HEATR4: variants seen among roughly 807,000 people sequenced by gnomAD.
The protein encoded by HEATR4 is HEAT repeat-containing protein 4.
Under a neutral mutation model 108.8 loss-of-function variants are expected in HEATR4, and 95 were observed. That is an observed-to-expected ratio of 0.87 (90% CI 0.74 to 1.04). The LOEUF is 1.04. HEATR4 is among the 50% of genes least tolerant of loss of function. The pLI is 0.00. For missense variants in HEATR4, 1,152 were observed against 1,253.8 expected (o/e 0.92, Z 1.23); for synonymous variants, 443 against 459.4 (o/e 0.96, Z 0.46).
the HEATR4 span, chr14:73,593,780 C>T: frequency 6.2e-7 from 1 of 1,613,854 alleles, no homozygotes; most frequent in African/African-American, 1.3e-5. Context: ...AGCCTCCTTG[C>T]TGGCCATGGC....
chr14:73,593,303 G>C, the HEATR4 span, among the ~76,000 whole-genome samples: 1 of 145,750 alleles, frequency 6.9e-6, no homozygotes, highest in Non-Finnish European at 1.5e-5. Flanking sequence ...AGAACATAAA[G>C]TTTTGTTTCA....
At chr14:73,523,402 G>A (rs1888096639) in intron 2 of HEATR4, among the ~76,000 whole-genome samples, 178 bp from the exon 3 acceptor site, 1 of 152,178 alleles carries the variant, frequency 6.6e-6, no homozygotes, top group Non-Finnish European at 1.5e-5. Flanking sequence ...TCATGTATCA[G>A]ACCCGTGTTT....
chr14:73,601,421 G>A, the HEATR4 span, among the ~76,000 whole-genome samples: 2 of 152,038 alleles, frequency 1.3e-5, no homozygotes, highest in Non-Finnish European at 2.9e-5. Context: ...AAAATTAGCT[G>A]GGCATGGTGG....
chr14:73,568,500 G>C, the HEATR4 span, among the ~76,000 whole-genome samples: 1 of 151,948 alleles, frequency 6.6e-6, no homozygotes, highest in African/African-American at 2.4e-5. Flanking sequence ...TTGGAGGTTT[G>C]TAAGTGCAGT....
intron 7 of HEATR4, among the ~76,000 whole-genome samples, chr14:73,510,677 C>T (rs1233604805): frequency 6.6e-6 from 1 of 152,160 alleles, no homozygotes; most frequent in Non-Finnish European, 1.5e-5. Flanking sequence ...TTCAGGTGAT[C>T]CACCTGCCTT....
the HEATR4 span, chr14:73,574,405 C>T: frequency 4.5e-6 from 1 of 220,924 alleles, no homozygotes. Context: ...GCTGTGACTA[C>T]AGGCACGTGC....
At chr14:73,502,432 T>G (rs1185701780) in intron 11 of HEATR4, among the ~76,000 whole-genome samples, 1 of 152,182 alleles carries the variant, frequency 6.6e-6, no homozygotes, top group Admixed American at 6.5e-5. Flanking sequence ...ACTCAATGCT[T>G]CTTTCCCTAG....
intron 7 of HEATR4, among the ~76,000 whole-genome samples, chr14:73,511,512 C>CT (rs1163361781): frequency 6.8e-6 from 1 of 147,546 alleles, no homozygotes; most frequent in Admixed American, 6.8e-5. Context: ...GAGCAAGACT[C>CT]TGTCTCAAAA....
the HEATR4 span, among the ~76,000 whole-genome samples, chr14:73,617,872 C>T: frequency 6.6e-6 from 1 of 150,616 alleles, no homozygotes; most frequent in Admixed American, 6.7e-5. Context: ...TGGCCAGGTG[C>T]GGTGGCTCAC....
chr14:73,580,934 T>G, the HEATR4 span: 14 of 151,966 alleles, frequency 9.2e-5, no homozygotes, highest in African/African-American at 3.1e-4. Flanking sequence ...GAAAAAAAAG[T>G]CTTAAGGTTT....
intron 17 of HEATR4, among the ~76,000 whole-genome samples, chr14:73,490,269 G>A (rs1885628057): frequency 6.6e-6 from 1 of 151,874 alleles, no homozygotes; most frequent in Admixed American, 6.6e-5. Context: ...GGGACTACAG[G>A]TGCAAGTCAC....
chr14:73,632,089 T>C, the HEATR4 span: 2 of 151,858 alleles, frequency 1.3e-5, no homozygotes, highest in Non-Finnish European at 2.9e-5. Flanking sequence ...AAATTTAACC[T>C]TAATGAAATC....
At chr14:73,534,323 G>A (rs1183450548) in intron 1 of HEATR4, among the ~76,000 whole-genome samples, 1 of 109,094 alleles carries the variant, frequency 9.2e-6, no homozygotes, top group Non-Finnish European at 2.0e-5. Context: ...AAGTTGCAGT[G>A]AGCCGAGATC....
the HEATR4 span, chr14:73,569,794 C>A: frequency 6.4e-7 from 1 of 1,574,080 alleles, no homozygotes; most frequent in African/African-American, 1.3e-5. Context: ...CTGTGCCAGA[C>A]GCGGCACGAG....
the HEATR4 span, among the ~76,000 whole-genome samples, chr14:73,594,630 C>T: frequency 6.6e-6 from 1 of 152,164 alleles, no homozygotes; most frequent in African/African-American, 2.4e-5. Context: ...AAGCTAGCAG[C>T]ATCTCTGTTT....
chr14:73,591,964 C>T, the HEATR4 span: 1,065 of 1,382,822 alleles, frequency 7.7e-4, 17 homozygotes, highest in East Asian at 0.031. Flanking sequence ...TCCAAGATGT[C>T]AGCAACGCTG....
intron 9 of HEATR4, among the ~76,000 whole-genome samples, chr14:73,507,178 A>C (rs538872388): frequency 1.7e-4 from 26 of 152,170 alleles, no homozygotes; most frequent in Non-Finnish European, 3.5e-4. Flanking sequence ...TTTCTATTGA[A>C]AGTAACTAAA....
the HEATR4 span, among the ~76,000 whole-genome samples, chr14:73,565,867 G>T: frequency 2.0e-5 from 3 of 152,130 alleles, no homozygotes; most frequent in South Asian, 6.2e-4. Flanking sequence ...TGTGGAAGGG[G>T]GACCCCAGCG....
At chr14:73,602,330 T>C in the HEATR4 span, among the ~76,000 whole-genome samples, 1 of 152,196 alleles carries the variant, frequency 6.6e-6, no homozygotes, top group Non-Finnish European at 1.5e-5. Context: ...TTATCATGAA[T>C]GCAGGATGTG....
Sources: gnomAD v4.1 joint callset for allele counts (sites outside exome capture counted in the v4.1 genomes callset) on GRCh38, gnomAD v4.1.1 for gene constraint, MANE v1.5 for transcripts, NCBI Gene and HGNC (gene_info 2026-07-23, HGNC 2026-07-21) for gene names.